NRG2: variants seen among roughly 807,000 people sequenced by gnomAD.
NRG2 encodes the protein neuregulin 2.
NRG2 carries 27 observed loss-of-function variants against 73.9 expected under a neutral mutation model. That is an observed-to-expected ratio of 0.37 (90% confidence interval 0.27 to 0.50). The LOEUF is 0.50. Among genes scored for constraint, NRG2 ranks in the 20% least tolerant of loss-of-function variants. NRG2 has a pLI of 0.96. For missense variants in NRG2, 1,126 were observed against 1,210.1 expected (o/e 0.93, Z 1.03); for synonymous variants, 532 against 541.0 (o/e 0.98, Z 0.23).
intron 3 of NRG2, among the ~76,000 whole-genome samples, chr5:139,873,573 C>T (rs1454591289): frequency 6.6e-6 from 1 of 152,254 alleles, no homozygotes; most frequent in East Asian, 1.9e-4. Context: ...TGTACATCCT[C>T]CCCATCAGCA....
At chr5:139,980,842 G>A (rs945996914) in intron 1 of NRG2, among the ~76,000 whole-genome samples, 3 of 152,102 alleles carry the variant, frequency 2.0e-5, no homozygotes, top group Non-Finnish European at 4.4e-5. Context: ...CCCTTTCCCT[G>A]GGGAATCTCC....
In NRG2 at chr5:139,865,544, C is replaced by T. The variant is rs1471687944; in HGVS notation, c.1189+5G>A. 1 of 1,611,386 alleles carries T rather than the reference C, an allele frequency of 6.2e-7. No homozygotes were observed. Among genetic ancestry groups the T allele is most frequent in the Non-Finnish European group, 8.5e-7 (1 of 1,178,420 alleles). On this transcript the variant is annotated splice_donor_5th_base_variant and intron_variant, in intron 5 of 9. Coordinates refer to ENST00000361474, the MANE Select transcript of NRG2 (RefSeq NM_004883.3). This position sits in a 1 kb window ranked among gnomAD's most constrained non-coding sequence, Gnocchi z 5.2. ...AGGGACTTGTGTTTGTATCTTCAAA[C>T]ATACTTTGCTTAGGATCTGGCATGT...
intron 1 of NRG2, among the ~76,000 whole-genome samples, chr5:140,025,467 C>T (rs978854100): frequency 6.6e-6 from 1 of 152,094 alleles, no homozygotes; most frequent in East Asian, 1.9e-4. Flanking sequence ...TTATTGAGCG[C>T]CTATTACGCA....
At chr5:140,017,802 C>T (rs1313093003) in intron 1 of NRG2, among the ~76,000 whole-genome samples, 1 of 151,896 alleles carries the variant, frequency 6.6e-6, no homozygotes, top group South Asian at 2.1e-4. Flanking sequence ...ATGGGAGAGA[C>T]GTGAGTATGA....
rs150243756 is a variant in NRG2 at position 139,908,814 on chromosome 5, G to A, written c.701-21303C>T. Among the ~76,000 whole-genome samples the A allele has an allele frequency of 4.8e-3, 729 of 152,342 alleles. 6 individuals are homozygous for A. The highest frequency in any genetic ancestry group is 0.016 in the African/African-American group (686 of 41,586). On this transcript the variant is annotated intron_variant, in intron 1 of 9. Coordinates refer to ENST00000361474, the MANE Select transcript of NRG2 (RefSeq NM_004883.3). The stretch of plus-strand genomic sequence containing the variant: ...CCTGGGTCATGGGCAGGTGGAGAGA[G>A]TCACGAGGCACCCTGGGGCATGCCA...
intron 1 of NRG2, among the ~76,000 whole-genome samples, chr5:139,899,481 C>T (rs931087403): frequency 2.6e-5 from 4 of 152,172 alleles, no homozygotes; most frequent in East Asian, 1.9e-4. Context: ...TAGATCTAGC[C>T]GGACTCTAGA....
intron 5 of NRG2, among the ~76,000 whole-genome samples, chr5:139,861,985 G>C (rs933882979): frequency 2.0e-5 from 3 of 152,196 alleles, no homozygotes; most frequent in African/African-American, 7.2e-5. Context: ...CTGGGGCCCA[G>C]TGATGCTAGG....
rs536403890 is a variant in NRG2 at position 140,008,692 on chromosome 5, A to C, written c.700+33678T>G. 6.6e-6 allele frequency among the ~76,000 whole-genome samples: 1 copy of C among 152,248 alleles called. No individual in the cohort carries two copies. Among genetic ancestry groups the C allele is most frequent in the Non-Finnish European group, 1.5e-5 (1 of 68,034 alleles). ...AAACCTAGAATATAAGAGAATGCTT[A>C]TTTATCCCTCTCAGTCGGGGAGAAA... On this transcript the variant is annotated intron_variant, in intron 1 of 9. Transcript: ENST00000361474. This position sits in a 1 kb window ranked among gnomAD's most constrained non-coding sequence, Gnocchi z 4.2.
At chr5:139,968,514 G>A (rs963677132) in intron 1 of NRG2, among the ~76,000 whole-genome samples, 5 of 152,160 alleles carry the variant, frequency 3.3e-5, no homozygotes, top group African/African-American at 1.2e-4. Flanking sequence ...GTCGATCCTC[G>A]CCAAAGGGGA....
At chr5:139,888,138 A>C (rs190135392) in intron 1 of NRG2, among the ~76,000 whole-genome samples, 8 of 151,816 alleles carry the variant, frequency 5.3e-5, no homozygotes, top group East Asian at 1.9e-4. Context: ...ACACACACAC[A>C]CCCTGAAAGA....
Position 139,887,293 on chromosome 5 carries a change from G to A in NRG2, c.872+47C>T. The A allele has an allele frequency of 6.2e-7, 1 of 1,602,144 alleles. No homozygotes were observed. Among genetic ancestry groups the A allele is most frequent in the Non-Finnish European group, 8.5e-7 (1 of 1,171,594 alleles). The stretch of plus-strand genomic sequence containing the variant: ...AGTTCAGGCCACTCCTTCTCGAGAG[G>A]AGGGAGGGCAGCTGCTTGGATGGAG... On this transcript the variant is annotated intron_variant, in intron 2 of 9. Transcript: ENST00000361474. This position sits in a 1 kb window ranked among gnomAD's most constrained non-coding sequence, Gnocchi z 4.5.
rs1761522522 is a variant in NRG2, at chr5:139,852,633, G to A, written c.1417-74C>T. 1 of 1,577,430 alleles carries A rather than the reference G, an allele frequency of 6.3e-7. No homozygotes were observed. Among genetic ancestry groups the A allele is most frequent in the Non-Finnish European group, 8.6e-7 (1 of 1,160,090 alleles). On this transcript the variant is annotated intron_variant, in intron 7 of 9. Coordinates refer to ENST00000361474, the MANE Select transcript of NRG2 (RefSeq NM_004883.3). The surrounding 1 kb of genome is among the most constrained non-coding windows in gnomAD (Gnocchi z 4.4). ...ACTCTTTCTTGTTGGGGACAGGGAAGTGATGAGCACTGACTGAGCTCCTGG... is the reference window on the plus strand; with the variant it reads ...ACTCTTTCTTGTTGGGGACAGGGAAATGATGAGCACTGACTGAGCTCCTGG...
intron 1 of NRG2, among the ~76,000 whole-genome samples, chr5:139,998,728 T>C (rs777301605): frequency 1.4e-5 from 2 of 147,922 alleles, no homozygotes; most frequent in Admixed American, 6.9e-5. Context: ...AATGTTGTAA[T>C]TGGCTAAAAA....
At chr5:139,939,268 TTC>T (rs1418803907) in intron 1 of NRG2, among the ~76,000 whole-genome samples, 4 of 151,290 alleles carry the variant, frequency 2.6e-5, no homozygotes, top group African/African-American at 7.3e-5. Flanking sequence ...TTCTTTTTCT[TTC>T]TTTCTTTCTT....
chr5:139,912,193 A>G (rs1465308812), intron 1 of NRG2, among the ~76,000 whole-genome samples: 2 of 152,170 alleles, frequency 1.3e-5, no homozygotes, highest in Admixed American at 6.5e-5. Context: ...GAAGGATGCA[A>G]TCTCTTTCCA....
rs150747190 is a variant in NRG2 at position 140,026,676 on chromosome 5, A to C, written c.700+15694T>G. Among the ~76,000 whole-genome samples the C allele has an allele frequency of 6.1e-3, 929 of 152,336 alleles. 28 individuals carry two copies. The highest frequency in any genetic ancestry group is 0.042 in the Admixed American group (643 of 15,302). On this transcript the variant is annotated intron_variant, in intron 1 of 9. Coordinates refer to ENST00000361474, the MANE Select transcript of NRG2 (RefSeq NM_004883.3). Reference sequence around the variant, plus strand: ...TAAAAGTTCCAACTAGAGCATCATGAATGAAAAGAATTGGATTGGGGAGAC... The same window carrying C: ...TAAAAGTTCCAACTAGAGCATCATGCATGAAAAGAATTGGATTGGGGAGAC...
At position 139,853,098 on chromosome 5, in the gene NRG2, C is replaced by A; in HGVS notation, c.1293-71G>T. The A allele has an allele frequency of 6.3e-7, 1 of 1,589,644 alleles. No homozygotes were observed. The highest frequency in any genetic ancestry group is 8.6e-7 in the Non-Finnish European group (1 of 1,168,196). On this transcript the variant is annotated intron_variant, in intron 6 of 9. Coordinates refer to ENST00000361474, the MANE Select transcript of NRG2 (RefSeq NM_004883.3). This position sits in a 1 kb window ranked among gnomAD's most constrained non-coding sequence, Gnocchi z 4.1. Reference sequence around the variant, plus strand: ...CAACGATGAACTTCCCTAGCTATCTCTCTAGGGAAACAGCTTTTCCTCCTG... The same window carrying A: ...CAACGATGAACTTCCCTAGCTATCTATCTAGGGAAACAGCTTTTCCTCCTG...
At position 140,041,564 on chromosome 5, in the gene NRG2, C is replaced by T. The variant is rs142712398; in HGVS notation, c.700+806G>A. Among the ~76,000 whole-genome samples, 130 of 151,586 alleles carry T rather than the reference C, an allele frequency of 8.6e-4. 1 individual carries two copies. Among genetic ancestry groups the T allele is most frequent in the Admixed American group, 5.9e-3 (89 of 15,206 alleles). On this transcript the variant is annotated intron_variant, in intron 1 of 9. Transcript: ENST00000361474. Reference sequence around the variant, plus strand: ...GATGAGAGATGCAGTCAAATACATCCGGCGAGTAAGACGTTAGAGCTGAAC... The same window carrying T: ...GATGAGAGATGCAGTCAAATACATCTGGCGAGTAAGACGTTAGAGCTGAAC...
chr5:139,989,758 T>TTTA (rs35774960), intron 1 of NRG2, among the ~76,000 whole-genome samples: 65,247 of 147,436 alleles, frequency 0.44, 17,562 homozygotes, highest in African/African-American at 0.74. Context: ...TTGCTAGGTT[T>TTTA]TTATTATTAT....
Sources: gnomAD v4.1 joint callset for allele counts (sites outside exome capture counted in the v4.1 genomes callset) on GRCh38, gnomAD v4.1.1 for gene constraint, Gnocchi (gnomAD v3.1) non-coding constraint, MANE v1.5 for transcripts, NCBI Gene and HGNC (gene_info 2026-07-23, HGNC 2026-07-21) for gene names.